DGKB: variants seen among roughly 807,000 people sequenced by gnomAD.
The protein encoded by DGKB is 90 kDa diacylglycerol kinase.
DGKB carries 67 observed loss-of-function variants against 114.3 expected under a neutral mutation model. That is an observed-to-expected ratio of 0.59 (90% CI 0.48 to 0.72). The LOEUF (loss-of-function observed/expected upper bound fraction) is 0.72, where lower values mean the gene tolerates loss of function less well. DGKB is among the 30% of genes least tolerant of loss of function. DGKB has a pLI of 0.00. For missense variants in DGKB, 907 were observed against 975.2 expected (o/e 0.93, Z 0.93); for synonymous variants, 398 against 323.1 (o/e 1.23, Z -2.49).
At chr7:14,935,025 G>A (rs17372197) in intron 1 of DGKB, among the ~76,000 whole-genome samples, 2 of 152,070 alleles carry the variant, frequency 1.3e-5, no homozygotes, top group East Asian at 1.9e-4. Context: ...GCTAATTTGA[G>A]TATTACTGTA....
chr7:14,409,035 C>CA (rs1428278975), intron 21 of DGKB, among the ~76,000 whole-genome samples: 4 of 152,114 alleles, frequency 2.6e-5, no homozygotes, highest in African/African-American at 9.7e-5. Context: ...GCAAACAATA[C>CA]ATGGCACCAT....
chr7:14,842,661 G>A (rs1187741430), intron 1 of DGKB, among the ~76,000 whole-genome samples: 3 of 152,104 alleles, frequency 2.0e-5, no homozygotes, highest in Non-Finnish European at 4.4e-5. Flanking sequence ...TCTCTCTCTG[G>A]TTACAGGCAG....
chr7:14,938,630 T>C, intron 1 of DGKB, among the ~76,000 whole-genome samples: 1 of 151,870 alleles, frequency 6.6e-6, no homozygotes, highest in Non-Finnish European at 1.5e-5. Context: ...TTTTTTTTAG[T>C]TTTCTCATTG....
intron 23 of DGKB, among the ~76,000 whole-genome samples, chr7:14,193,221 C>T (rs1784562298): frequency 6.6e-6 from 1 of 150,622 alleles, no homozygotes; most frequent in Admixed American, 6.6e-5. Flanking sequence ...CTACAAAATA[C>T]CCTAAATAGC....
At chr7:14,504,163 T>C (rs1202181216) in intron 20 of DGKB, among the ~76,000 whole-genome samples, 2 of 152,198 alleles carry the variant, frequency 1.3e-5, no homozygotes, top group Non-Finnish European at 2.9e-5. Flanking sequence ...GTACTTGGCA[T>C]AGTAATGATA....
chr7:14,595,324 G>A (rs908932982), intron 17 of DGKB, among the ~76,000 whole-genome samples: 1 of 152,020 alleles, frequency 6.6e-6, no homozygotes, highest in East Asian at 1.9e-4. Context: ...TATTCATCAA[G>A]TTAGAGAATA....
chr7:14,925,185 C>G (rs1168710687), intron 1 of DGKB, among the ~76,000 whole-genome samples: 1 of 152,116 alleles, frequency 6.6e-6, no homozygotes, highest in Non-Finnish European at 1.5e-5. Context: ...TGAAGGATAC[C>G]TAAGTTTTTT....
At chr7:14,157,871 A>AGTTGT (rs1783260541) in intron 25 of DGKB, among the ~76,000 whole-genome samples, 1 of 152,184 alleles carries the variant, frequency 6.6e-6, no homozygotes, top group African/African-American at 2.4e-5. Context: ...AAACAATACA[A>AGTTGT]AAACACTTCT....
chr7:14,369,076 C>T (rs991567154), intron 21 of DGKB, among the ~76,000 whole-genome samples: 3 of 152,022 alleles, frequency 2.0e-5, no homozygotes, highest in African/African-American at 7.3e-5. Flanking sequence ...CCCCTAGCAC[C>T]CCACCCCCGA....
chr7:14,201,934 G>A (rs1476387397), intron 23 of DGKB, among the ~76,000 whole-genome samples: 1 of 151,946 alleles, frequency 6.6e-6, no homozygotes, highest in Non-Finnish European at 1.5e-5. Context: ...TACACTTGAA[G>A]CTTTCCTGAT....
chr7:14,340,546 T>G (rs570419027), intron 22 of DGKB, among the ~76,000 whole-genome samples: 2 of 151,494 alleles, frequency 1.3e-5, no homozygotes, highest in Non-Finnish European at 1.5e-5. Flanking sequence ...TTCCTTATAA[T>G]TTGCAGCCTA....
chr7:14,252,723 G>C (rs1795419437), intron 23 of DGKB, among the ~76,000 whole-genome samples: 3 of 152,132 alleles, frequency 2.0e-5, no homozygotes, highest in Admixed American at 2.0e-4. Context: ...TAGGTCCATG[G>C]GGTTTAACTG....
chr7:14,517,512 T>C (rs1458257653), intron 20 of DGKB, among the ~76,000 whole-genome samples: 1 of 151,508 alleles, frequency 6.6e-6, no homozygotes, highest in African/African-American at 2.4e-5. Flanking sequence ...AAAGAAACTA[T>C]CAATAGAGTA....
intron 21 of DGKB, among the ~76,000 whole-genome samples, chr7:14,442,136 T>TA (rs1452136776): frequency 2.6e-5 from 4 of 152,008 alleles, no homozygotes; most frequent in Non-Finnish European, 5.9e-5. Context: ...GAATATTTGC[T>TA]AAAATTGCTT....
intron 1 of DGKB, among the ~76,000 whole-genome samples, chr7:14,940,979 T>C (rs1385964771): frequency 6.6e-6 from 1 of 152,054 alleles, no homozygotes. Flanking sequence ...AAATACGACT[T>C]TGATAGGAGA....
At chr7:14,860,811 AT>A in intron 1 of DGKB, among the ~76,000 whole-genome samples, 1 of 151,970 alleles carries the variant, frequency 6.6e-6, no homozygotes, top group African/African-American at 2.4e-5. Flanking sequence ...GAACAACCTG[AT>A]TTTATGTGCA....
chr7:14,210,270 G>A (rs1204167639), intron 23 of DGKB, among the ~76,000 whole-genome samples: 2 of 152,022 alleles, frequency 1.3e-5, no homozygotes, highest in Non-Finnish European at 2.9e-5. Flanking sequence ...CAATGCCTCC[G>A]TTACTGGGGG....
chr7:14,357,580 C>T (rs564658309), intron 21 of DGKB, among the ~76,000 whole-genome samples: 2 of 152,128 alleles, frequency 1.3e-5, no homozygotes, highest in Admixed American at 1.3e-4. Flanking sequence ...TTAATTGGGG[C>T]ATTTAAACCA....
intron 23 of DGKB, among the ~76,000 whole-genome samples, chr7:14,214,996 A>C (rs2128313514): frequency 6.6e-6 from 1 of 152,240 alleles, no homozygotes; most frequent in Non-Finnish European, 1.5e-5. Flanking sequence ...GTCTATGTGC[A>C]GTGAAGTGAA....
Sources: gnomAD v4.1 joint callset for allele counts (sites outside exome capture counted in the v4.1 genomes callset) on GRCh38, gnomAD v4.1.1 for gene constraint, MANE v1.5 for transcripts, NCBI Gene and HGNC (gene_info 2026-07-23, HGNC 2026-07-21) for gene names.